ADCY1: variants seen among roughly 807,000 people sequenced by gnomAD.
ADCY1 encodes the protein adenylate cyclase 1, also known as adenylate cyclase type 1.
ADCY1 carries 28 observed loss-of-function variants against 105.4 expected under a neutral mutation model. The observed-to-expected ratio is 0.27, with a 90% CI of 0.20 to 0.36. The LOEUF (loss-of-function observed/expected upper bound fraction) is 0.36. Ranked by LOEUF, ADCY1 falls within the 10% of genes least tolerant of loss-of-function variation. The pLI is 1.00. For missense variants in ADCY1, 977 were observed against 1,434.2 expected, an observed-to-expected ratio of 0.68 and a Z score of 5.15; for synonymous variants, 655 against 623.8, an observed-to-expected ratio of 1.05 and a Z score of -0.75.
At chr7:45,668,739 G>A (rs1464015329) in intron 8 of ADCY1, among the ~76,000 whole-genome samples, 7 of 152,266 alleles carry the variant, frequency 4.6e-5, no homozygotes, top group South Asian at 2.1e-4. Context: ...GGTAGAATTC[G>A]GTTGTGAATC....
intron 1 of ADCY1, among the ~76,000 whole-genome samples, chr7:45,588,225 C>A (rs374271434): frequency 1.7e-4 from 26 of 152,096 alleles, no homozygotes; most frequent in African/African-American, 6.3e-4. Flanking sequence ...TGATACACCC[C>A]CTCCCCATCA....
chr7:45,663,818 CAAA>C (rs200786032), intron 8 of ADCY1, among the ~76,000 whole-genome samples: 1 of 132,776 alleles, frequency 7.5e-6, no homozygotes. Context: ...GACGGTGTCT[CAAA>C]AAAAAAAAAG....
chr7:45,629,585 C>T (rs1562696370), intron 4 of ADCY1, among the ~76,000 whole-genome samples: 1 of 149,796 alleles, frequency 6.7e-6, no homozygotes. Flanking sequence ...GTGGCGCAAT[C>T]TCGGCTCACT....
intron 3 of ADCY1, among the ~76,000 whole-genome samples, chr7:45,614,632 A>G (rs917933554): frequency 6.6e-6 from 1 of 152,226 alleles, no homozygotes; most frequent in Non-Finnish European, 1.5e-5. Context: ...AACCAAGCCT[A>G]ACTATATGCT....
chr7:45,608,200 T>C (rs1443131086), intron 2 of ADCY1, among the ~76,000 whole-genome samples: 2 of 152,234 alleles, frequency 1.3e-5, no homozygotes, highest in East Asian at 3.8e-4. Context: ...TAATGATTAG[T>C]GATGATGAGC....
At chr7:45,635,598 CTT>C (rs1233760358) in intron 4 of ADCY1, among the ~76,000 whole-genome samples, 6 of 31,430 alleles carry the variant, frequency 1.9e-4, no homozygotes, top group Non-Finnish European at 4.0e-4. Context: ...TCTAATTTCT[CTT>C]GTTTTTTTTT....
chr7:45,646,901 C>T (rs1038602654), intron 4 of ADCY1, among the ~76,000 whole-genome samples: 3 of 152,202 alleles, frequency 2.0e-5, no homozygotes, highest in African/African-American at 4.8e-5. Context: ...AGGAGCCTGC[C>T]GGGCCCTCAC....
intron 3 of ADCY1, among the ~76,000 whole-genome samples, chr7:45,612,228 C>T (rs1793613219): frequency 6.6e-6 from 1 of 152,242 alleles, no homozygotes; most frequent in South Asian, 2.1e-4. Context: ...TTGAGCCCAG[C>T]ATGACTGCAG....
At position 45,703,097 on chromosome 7, in the gene ADCY1, G is replaced by T. The variant is rs1367809920; in HGVS notation, c.2455-279G>T. Among the ~76,000 whole-genome samples the T allele has an allele frequency of 9.2e-5, 14 of 152,186 alleles. No individual in the cohort carries two copies. Among genetic ancestry groups the T allele is most frequent in the Non-Finnish European group, 1.3e-4 (9 of 68,028 alleles). ...CTGTAGCATCTGGTCCCTAAGGGGT[G>T]GCGGAGGGCAGGGCGGACCCTGGAA... On this transcript the variant is annotated intron_variant, in intron 14 of 19. Transcript: ENST00000297323. The surrounding 1 kb of genome is among the most constrained non-coding windows in gnomAD (Gnocchi z 5.9).
intron 8 of ADCY1, chr7:45,664,228 TAA>T: frequency 6.8e-7 from 1 of 1,478,170 alleles, no homozygotes; most frequent in Non-Finnish European, 9.1e-7. Flanking sequence ...AGAGCCTGGC[TAA>T]AATTTGGTCA....
intron 1 of ADCY1, among the ~76,000 whole-genome samples, chr7:45,584,258 C>G (rs190158078): frequency 1.3e-5 from 2 of 152,284 alleles, no homozygotes; most frequent in African/African-American, 4.8e-5. Context: ...GTGCCCTTTT[C>G]TTACTGACAT....
intron 3 of ADCY1, among the ~76,000 whole-genome samples, chr7:45,615,662 A>C (rs1369879659): frequency 6.6e-6 from 1 of 152,208 alleles, no homozygotes; most frequent in Non-Finnish European, 1.5e-5. Flanking sequence ...GGAAAATGAA[A>C]ACACAACATA....
intron 8 of ADCY1, 75 bp downstream of exon 8, chr7:45,662,289 C>T (rs1795125669): frequency 1.3e-6 from 2 of 1,487,444 alleles, no homozygotes; most frequent in Admixed American, 2.1e-5. Context: ...CAATATGGCC[C>T]CCGTGCCATT....
In ADCY1 at chr7:45,662,136, G is replaced by A; in HGVS notation, c.1527G>A (p.Val509=). Residue 509 remains valine, a synonymous_variant, in exon 8 of 20, where the codon GTG becomes GTA. Coordinates refer to ENST00000297323, the MANE Select transcript of ADCY1 (RefSeq NM_021116.4). ...MKFKTVCYLL[V]QLMHCRKMFK... is the part of the protein sequence containing the mutation. The stretch of plus-strand genomic sequence containing the variant: ...TCAAGACTGTCTGCTACCTGCTGGT[G>A]CAGCTCATGCACTGCCGGAAAATGT... 3 of 1,614,162 alleles carry A rather than the reference G, an allele frequency of 1.9e-6. No individual in the cohort carries two copies. The highest frequency in any genetic ancestry group is 1.3e-5 in the African/African-American group (1 of 75,060).
At chr7:45,599,587 G>C (rs1171325191) in intron 2 of ADCY1, among the ~76,000 whole-genome samples, 1 of 151,444 alleles carries the variant, frequency 6.6e-6, no homozygotes, top group Non-Finnish European at 1.5e-5. Context: ...CATGTCCTCG[G>C]GGGCTGTGAG....
intron 4 of ADCY1, among the ~76,000 whole-genome samples, chr7:45,627,282 A>G (rs535257988): frequency 6.6e-6 from 1 of 152,010 alleles, no homozygotes; most frequent in Non-Finnish European, 1.5e-5. Flanking sequence ...GAGAACTCCT[A>G]CTCATCCTTG....
intron 4 of ADCY1, among the ~76,000 whole-genome samples, chr7:45,635,043 G>A (rs913294893): frequency 6.6e-6 from 1 of 151,870 alleles, no homozygotes; most frequent in Admixed American, 6.6e-5. Context: ...ATGTGTAGTA[G>A]AATTTACCAG....
intron 14 of ADCY1, among the ~76,000 whole-genome samples, chr7:45,698,657 C>T (rs2089150395): frequency 6.6e-6 from 1 of 152,142 alleles, no homozygotes; most frequent in African/African-American, 2.4e-5. Context: ...CTCAGCCTGC[C>T]CCATGCTGTA....
At chr7:45,704,872 C>T (rs1785081146) in intron 17 of ADCY1, among the ~76,000 whole-genome samples, 2 of 152,000 alleles carry the variant, frequency 1.3e-5, no homozygotes, top group South Asian at 4.2e-4. Flanking sequence ...AGAACCCTCA[C>T]CCTGCCCCTG....
Sources: allele counts gnomAD v4.1 joint callset (sites outside exome capture counted in the v4.1 genomes callset), GRCh38; gene constraint gnomAD v4.1.1; non-coding constraint Gnocchi (gnomAD v3.1); transcripts MANE v1.5; gene names NCBI Gene and HGNC (gene_info 2026-07-23, HGNC 2026-07-21).